BANK1: variants seen among roughly 807,000 people sequenced by gnomAD.
The protein encoded by BANK1 is B-cell scaffold protein with ankyrin repeats.
BANK1 carries 95 observed loss-of-function variants against 94.5 expected under a neutral mutation model. The ratio of observed to expected loss-of-function variants is 1.00; its 90% CI spans 0.85 to 1.19. The LOEUF (loss-of-function observed/expected upper bound fraction) is 1.19. BANK1 is among the 50% of genes most tolerant of loss of function. The pLI is 0.00. For missense variants in BANK1, 987 were observed against 932.2 expected (o/e 1.06, Z -0.77); for synonymous variants, 334 against 308.4 (o/e 1.08, Z -0.87).
intron 13 of BANK1, among the ~76,000 whole-genome samples, chr4:102,064,988 G>A (rs1206282854): frequency 6.6e-6 from 1 of 152,180 alleles, no homozygotes; most frequent in African/African-American, 2.4e-5. Flanking sequence ...GATTCCACAA[G>A]TCTGTGGCTG....
At chr4:101,813,939 G>T (rs1412193474) in intron 1 of BANK1, 1 of 965,740 alleles carries the variant, frequency 1.0e-6, no homozygotes. Context: ...CTTTGTTTTG[G>T]TATGTATATA....
chr4:101,818,901 G>A (rs940439219), intron 1 of BANK1, among the ~76,000 whole-genome samples: 4 of 145,536 alleles, frequency 2.7e-5, no homozygotes, highest in Admixed American at 2.1e-4. Context: ...AGTTTACTGT[G>A]AGAATGGGAT....
intron 2 of BANK1, among the ~76,000 whole-genome samples, chr4:101,838,087 G>A (rs994132115): frequency 1.3e-5 from 2 of 152,132 alleles, no homozygotes; most frequent in African/African-American, 2.4e-5. Context: ...AGCCTCCTGA[G>A]TAGCTGGGAT....
At position 102,025,286 on chromosome 4, in the gene BANK1, G is replaced by GGAA. The variant is rs779079587; in HGVS notation, c.1373_1375dup (p.Glu458dup). ...GAGCTGAGGCAAATGAAATGGAAGG[G>GGAA]GAAGGAAAACAGAATGGATCAGGCA... On this transcript the variant is annotated inframe_insertion, in exon 9 of 17. Coordinates refer to ENST00000322953, the MANE Select transcript of BANK1 (RefSeq NM_017935.5). 25 of 1,614,018 alleles carry GGAA rather than the reference G, an allele frequency of 1.5e-5. No homozygotes were observed. Among genetic ancestry groups the GGAA allele is most frequent in the Non-Finnish European group, 2.1e-5 (25 of 1,179,972 alleles).
At chr4:102,072,698 A>G (rs1414307379) in intron 15 of BANK1, among the ~76,000 whole-genome samples, 1 of 152,232 alleles carries the variant, frequency 6.6e-6, no homozygotes, top group African/African-American at 2.4e-5. Context: ...TTAACAATAG[A>G]AATATGATAA....
At chr4:101,798,435 CCA>C (rs1187250195) in intron 1 of BANK1, among the ~76,000 whole-genome samples, 1 of 152,122 alleles carries the variant, frequency 6.6e-6, no homozygotes, top group Non-Finnish European at 1.5e-5. Context: ...TCCATGAATT[CCA>C]TTAGTAATAC....
chr4:101,958,671 A>G (rs1319291863), intron 7 of BANK1, among the ~76,000 whole-genome samples: 1 of 152,206 alleles, frequency 6.6e-6, no homozygotes, highest in African/African-American at 2.4e-5. Flanking sequence ...ATGAATTCTG[A>G]TGAGCTAAGC....
chr4:101,866,451 G>T (rs117222540), intron 4 of BANK1, among the ~76,000 whole-genome samples: 1 of 152,012 alleles, frequency 6.6e-6, no homozygotes, highest in African/African-American at 2.4e-5. Context: ...ATAAATATTC[G>T]CATATTAATG....
intron 3 of BANK1, among the ~76,000 whole-genome samples, chr4:101,860,291 A>G (rs1560605345): frequency 6.6e-6 from 1 of 152,166 alleles, no homozygotes. Flanking sequence ...TGTGACGGTA[A>G]GGTCATGGGC....
intron 2 of BANK1, among the ~76,000 whole-genome samples, chr4:101,841,325 G>T (rs1727035564): frequency 6.6e-6 from 1 of 152,124 alleles, no homozygotes; most frequent in East Asian, 1.9e-4. Flanking sequence ...TGATTGTGCA[G>T]AATATAAACT....
chr4:102,072,120 C>T (rs1175023765), intron 14 of BANK1, among the ~76,000 whole-genome samples: 1 of 152,202 alleles, frequency 6.6e-6, no homozygotes, highest in Admixed American at 6.5e-5. Context: ...ACTCAAGTGA[C>T]TCCTGTAGGT....
intron 7 of BANK1, among the ~76,000 whole-genome samples, chr4:101,929,784 T>TG (rs78848554): frequency 1.4e-4 from 21 of 151,038 alleles, no homozygotes; most frequent in Middle Eastern, 3.4e-3. Flanking sequence ...AATAGTTTGT[T>TG]GGGGGGGGAC....
intron 2 of BANK1, among the ~76,000 whole-genome samples, chr4:101,840,260 G>T (rs575871557): frequency 7.2e-5 from 11 of 151,978 alleles, no homozygotes; most frequent in Admixed American, 7.2e-4. Flanking sequence ...GAGCCACCGC[G>T]CCCGGCCAAA....
intron 1 of BANK1, among the ~76,000 whole-genome samples, chr4:101,798,575 C>G (rs983711812): frequency 6.6e-6 from 1 of 152,160 alleles, no homozygotes; most frequent in African/African-American, 2.4e-5. Context: ...ACAGTCCCAC[C>G]AACAGTGTAA....
chr4:101,910,501 G>A (rs993466785), intron 6 of BANK1, among the ~76,000 whole-genome samples: 4 of 151,840 alleles, frequency 2.6e-5, no homozygotes, highest in African/African-American at 7.3e-5. Flanking sequence ...GACCAACATG[G>A]AGAAACCCCA....
At chr4:101,988,265 T>G (rs983495897) in intron 7 of BANK1, among the ~76,000 whole-genome samples, 12 of 152,236 alleles carry the variant, frequency 7.9e-5, no homozygotes, top group Non-Finnish European at 1.6e-4. Context: ...TCACAATATA[T>G]GTTTTCTATA....
intron 7 of BANK1, among the ~76,000 whole-genome samples, chr4:101,957,217 A>G (rs146984602): frequency 6.6e-6 from 1 of 152,158 alleles, no homozygotes; most frequent in Non-Finnish European, 1.5e-5. Context: ...GTTAAGTAGT[A>G]TGGCTACCTT....
chr4:101,930,890 C>G (rs1311358310), intron 7 of BANK1, among the ~76,000 whole-genome samples: 1 of 151,460 alleles, frequency 6.6e-6, no homozygotes, highest in Admixed American at 6.6e-5. Flanking sequence ...TCTGACAGAC[C>G]ATCTTTCTAT....
At chr4:102,040,238 AT>A (rs1727659797) in intron 10 of BANK1, among the ~76,000 whole-genome samples, 1 of 152,042 alleles carries the variant, frequency 6.6e-6, no homozygotes, top group South Asian at 2.1e-4. Flanking sequence ...TTTACTTAAC[AT>A]TTTGAATATT....
Sources: gnomAD v4.1 joint callset for allele counts (sites outside exome capture counted in the v4.1 genomes callset) on GRCh38, gnomAD v4.1.1 for gene constraint, MANE v1.5 for transcripts, NCBI Gene and HGNC (gene_info 2026-07-23, HGNC 2026-07-21) for gene names.